Variants in NOTCH1 observed in about 807,000 individuals in gnomAD.
NOTCH1 encodes the protein neurogenic locus notch homolog protein 1.
NOTCH1 carries 37 observed loss-of-function variants against 254.8 expected under a neutral mutation model. The ratio of observed to expected loss-of-function variants is 0.15; its 90% CI spans 0.11 to 0.19. The LOEUF (loss-of-function observed/expected upper bound fraction) is 0.19. Among genes scored for constraint, NOTCH1 ranks in the 10% least tolerant of loss-of-function variants. NOTCH1 has a pLI of 1.00. For missense variants in NOTCH1, 2,972 were observed against 3,708.6 expected, an observed-to-expected ratio of 0.80 and a Z score of 5.16; for synonymous variants, 1,731 against 1,618.1, an observed-to-expected ratio of 1.07 and a Z score of -1.68.
At chr9:136,529,203 G>T (rs1437733327) in intron 2 of NOTCH1, among the ~76,000 whole-genome samples, 2 of 152,244 alleles carry the variant, frequency 1.3e-5, no homozygotes. Flanking sequence ...AAGCAAATGG[G>T]GCCATATGTG....
rs1843164048 is a variant in NOTCH1, at chr9:136,510,612, G to A, written c.2740+41C>T. On this transcript the variant is annotated intron_variant, in intron 17 of 33. Transcript: ENST00000651671. ...ACCCTGCCCGGGGGAACTGAGGCCTGAGAGCTTCCTGGAGGAGGCCAGAGC... is the reference window on the plus strand; with the variant it reads ...ACCCTGCCCGGGGGAACTGAGGCCTAAGAGCTTCCTGGAGGAGGCCAGAGC... The A allele has an allele frequency of 3.8e-6, 6 of 1,588,006 alleles. No homozygotes were observed. The East Asian group carries it at 1.4e-4, about 36-fold the overall frequency.
At chr9:136,539,959 C>T (rs772580574) in intron 2 of NOTCH1, among the ~76,000 whole-genome samples, 4 of 152,314 alleles carry the variant, frequency 2.6e-5, no homozygotes, top group South Asian at 4.1e-4. Context: ...CGGGAAATGA[C>T]GGGGCAGCTC....
At chr9:136,531,144 G>A (rs942855113) in intron 2 of NOTCH1, among the ~76,000 whole-genome samples, 17 of 152,318 alleles carry the variant, frequency 1.1e-4, no homozygotes, top group East Asian at 9.6e-4. Flanking sequence ...ACATCTGTCC[G>A]GCACACACCA....
At chr9:136,510,933 C>T in intron 16 of NOTCH1, 128 bp from the exon 17 acceptor site, 1 of 1,406,412 alleles carries the variant, frequency 7.1e-7, no homozygotes, top group Non-Finnish European at 9.8e-7. Flanking sequence ...CCAGGACCAT[C>T]CCCTCTCCCC....
chr9:136,539,876 G>A (rs1260724675), intron 2 of NOTCH1, among the ~76,000 whole-genome samples: 2 of 152,068 alleles, frequency 1.3e-5, no homozygotes, highest in Non-Finnish European at 2.9e-5. Context: ...CGGCTGCAGG[G>A]CCAAGTCACT....
At chr9:136,516,727 G>A (rs946681473) in intron 9 of NOTCH1, among the ~76,000 whole-genome samples, 3 of 152,088 alleles carry the variant, frequency 2.0e-5, no homozygotes, top group African/African-American at 4.8e-5. Context: ...CTTCTCTCCA[G>A]GCAGAAGGGG....
At chr9:136,541,887 T>C (rs1843737466) in intron 2 of NOTCH1, among the ~76,000 whole-genome samples, 1 of 152,178 alleles carries the variant, frequency 6.6e-6, no homozygotes, top group African/African-American at 2.4e-5. Flanking sequence ...ATGGGGTCTC[T>C]GTGGGCTGAG....
intron 13 of NOTCH1, among the ~76,000 whole-genome samples, chr9:136,514,068 G>C (rs1306718625): frequency 3.3e-5 from 5 of 152,208 alleles, no homozygotes; most frequent in Non-Finnish European, 2.9e-5. Flanking sequence ...CAGGGCAGTA[G>C]GGTGCTGCGA....
rs587778571 is a variant in NOTCH1 at position 136,497,203 on chromosome 9, C to T, written c.6536G>A (p.Arg2179Gln). Residue 2179 changes from arginine (R) to glutamine (Q), a missense_variant, in exon 34 of 34, where the codon CGG becomes CAG. Arg to Gln is a conservative substitution (Grantham distance 43, BLOSUM62 1). Transcript: ENST00000651671. ...GSKEAKDLKA[R>Q]RKKSQDGKGC... ...CTTGCCGTCCTGGGACTTCTTCCTCCGTGCCTTGAGGTCCTTGGCCTCCTT... is the reference window on the plus strand; with the variant it reads ...CTTGCCGTCCTGGGACTTCTTCCTCTGTGCCTTGAGGTCCTTGGCCTCCTT... 15 of 1,612,792 alleles carry T rather than the reference C, an allele frequency of 9.3e-6. No individual in the cohort carries two copies. Among genetic ancestry groups the T allele is most frequent in the Admixed American group, 1.7e-5 (1 of 60,032 alleles).
At chr9:136,524,606 C>T (rs1264560539) in intron 2 of NOTCH1, among the ~76,000 whole-genome samples, 1 of 151,672 alleles carries the variant, frequency 6.6e-6, no homozygotes, top group Non-Finnish European at 1.5e-5. Context: ...GTGGATCAGC[C>T]CCTTCCTACG....
At chr9:136,525,741 T>TG (rs969917417) in intron 2 of NOTCH1, among the ~76,000 whole-genome samples, 4 of 152,154 alleles carry the variant, frequency 2.6e-5, no homozygotes, top group African/African-American at 7.2e-5. Context: ...GGCAGTGGCC[T>TG]GGGGGGGCCT....
chr9:136,500,884 C>G (rs187738030), intron 30 of NOTCH1, 37 bp from the exon 31 acceptor site: 21 of 1,546,538 alleles, frequency 1.4e-5, no homozygotes, highest in Non-Finnish European at 1.7e-5. Flanking sequence ...TCTGGAGGGC[C>G]GGTCCCCAGC....
In NOTCH1 at chr9:136,513,110, T is replaced by C. The variant is rs1255941144; in HGVS notation, c.2378A>G (p.Asn793Ser). 4 of 1,611,538 alleles carry C rather than the reference T, an allele frequency of 2.5e-6. No homozygotes were observed. Among genetic ancestry groups the C allele is most frequent in the Admixed American group, 1.7e-5 (1 of 59,932 alleles). The change falls in exon 15 of 34, where the codon AAC becomes AGC. Residue 793 changes from asparagine (N) to serine (S), a missense_variant. By Grantham distance (46) the Asn-to-Ser change is conservative. This residue lies in a region of NOTCH1 where 1,343 missense variants were observed against 1,557.0 expected (regional missense o/e 0.86). Transcript: ENST00000651671. The surrounding 1 kb of genome is among the most constrained non-coding windows in gnomAD (Gnocchi z 4.7). Reference sequence around the variant, plus strand: ...CAGACATGGGTTGGACGCACACTCGTTGATGTTGGTCTGGCAGTTGGGACC... The same window carrying C: ...CAGACATGGGTTGGACGCACACTCGCTGATGTTGGTCTGGCAGTTGGGACC... ...FSGPNCQTNI[N>S]ECASNPCLNQ...
chr9:136,504,201 AT>A (rs1448965801), intron 26 of NOTCH1, among the ~76,000 whole-genome samples: 1 of 152,158 alleles, frequency 6.6e-6, no homozygotes, highest in Admixed American at 6.5e-5. Flanking sequence ...ACTTCTTTTA[AT>A]ACTTTTTTAA....
chr9:136,502,145 A>G lies in NOTCH1; in HGVS notation c.5385-57T>C, dbSNP rs1432698694. On this transcript the variant is annotated intron_variant, in intron 28 of 33. Coordinates refer to ENST00000651671, the MANE Select transcript of NOTCH1 (RefSeq NM_017617.5). ...AGCGAGCTCCCTAGGAAGCCCCCAG[A>G]GACCCCTGGCCCGGGCCTGGCGTGG... 4 of 1,606,148 alleles carry G rather than the reference A, an allele frequency of 2.5e-6. No individual in the cohort carries two copies. The African/African-American group carries it at 5.4e-5, about 21-fold the overall frequency.
In NOTCH1 at chr9:136,517,621, T is replaced by C. The variant is rs4077029; in HGVS notation, c.1441+131A>G. 0.54 allele frequency: 628,067 copies of C among 1,166,600 alleles called. 179,420 individuals carry two copies. The highest frequency in any genetic ancestry group is 0.92 in the East Asian group (36,254 of 39,466). 72.3% of individuals were successfully genotyped at this position (1,166,600 alleles called of 1,614,324 possible). On this transcript the variant is annotated intron_variant, in intron 8 of 33. Coordinates refer to ENST00000651671, the MANE Select transcript of NOTCH1 (RefSeq NM_017617.5). ...GCCTGGCCTCAGTTTCCCCATGCCC[T>C]GTGCAGGCTGTGGGCCCAGAAGGCA... is the stretch of plus-strand genomic sequence containing the variant.
In NOTCH1 at chr9:136,495,505, C is replaced by A; in HGVS notation, c.*566G>T. The A allele has an allele frequency of 2.5e-6, 1 of 399,432 alleles. No individual in the cohort carries two copies. The allele number at this position is 399,432 out of a possible 1,614,324, so 24.7% of individuals were successfully genotyped here. On this transcript the variant is annotated 3_prime_UTR_variant, in exon 34 of 34. Transcript: ENST00000651671. ...TTTCAGATGCAAATTAATCCGCGTG[C>A]GGAAGGTGAGCCAGCTTTGCCTCCG... is the stretch of plus-strand genomic sequence containing the variant.
In NOTCH1 at chr9:136,514,519, C is replaced by T. The variant is rs748224993; in HGVS notation, c.2198G>A (p.Ser733Asn). The change falls in exon 13 of 34, where the codon AGC becomes AAC. Residue 733 changes from serine to asparagine, a missense_variant. This residue lies in a region of NOTCH1 where 1,343 missense variants were observed against 1,557.0 expected (regional missense o/e 0.86). Transcript: ENST00000651671. ...NPCVHGACRD[S>N]LNGYKCDCDP... ...CGGCCCCGCCGCATACCCGTTGAGG[C>T]TGTCCCGGCAGGCCCCGTGGACGCA... 5 of 1,582,788 alleles carry T rather than the reference C, an allele frequency of 3.2e-6. No individual in the cohort carries two copies. Among genetic ancestry groups the T allele is most frequent in the Non-Finnish European group, 4.3e-6 (5 of 1,165,454 alleles).
rs140288481 is a variant in NOTCH1 at position 136,513,378 on chromosome 9, C to T, written c.2353+14G>A. The T allele has an allele frequency of 2.1e-4, 334 of 1,612,718 alleles. No homozygotes were observed. Among genetic ancestry groups the T allele is most frequent in the Admixed American group, 3.0e-4 (18 of 60,022 alleles). On this transcript the variant is annotated intron_variant, in intron 14 of 33. Transcript: ENST00000651671. The surrounding 1 kb of genome is among the most constrained non-coding windows in gnomAD (Gnocchi z 4.7). ...GGGCGGCCCTCTGCACTGAGAAACG[C>T]GCAGCCCACTCACCGCTGAAGCCCT... is the stretch of plus-strand genomic sequence containing the variant.
Sources: gnomAD v4.1 joint callset for allele counts (sites outside exome capture counted in the v4.1 genomes callset) on GRCh38, gnomAD v4.1.1 for gene constraint, gnomAD v4.1.1 regional missense constraint, Gnocchi (gnomAD v3.1) non-coding constraint, MANE v1.5 for transcripts, NCBI Gene and HGNC (gene_info 2026-07-23, HGNC 2026-07-21) for gene names.